AFTPH: variants seen among roughly 807,000 people sequenced by gnomAD.
AFTPH encodes aftiphilin protein.
AFTPH carries 7 observed loss-of-function variants against 72.5 expected under a neutral mutation model. The observed-to-expected ratio is 0.10, with a 90% CI of 0.05 to 0.18. The LOEUF is 0.18. AFTPH is among the 10% of genes least tolerant of loss of function. The pLI is 1.00. For synonymous variants in AFTPH, 337 were observed against 370.1 expected (o/e 0.91, Z 1.03); for missense variants, 979 against 1,060.5 (o/e 0.92, Z 1.07).
chr2:64,539,395 T>G (rs924506431), intron 1 of AFTPH, among the ~76,000 whole-genome samples: 2 of 152,216 alleles, frequency 1.3e-5, no homozygotes, highest in Admixed American at 1.3e-4. Context: ...AGCTTGCATA[T>G]AATGTACTGC....
In AFTPH at chr2:64,553,369, T is replaced by G. The variant is rs140720404; in HGVS notation, c.1895T>G (p.Val632Gly). ...CCTTCAGCAACTTCCAAAGGAGCAG[T>G]TGCTAGTGGCCATTTACAGGAATCA... Residue 632 changes from valine (V) to glycine (G), a missense_variant, in exon 2 of 9, where the codon GTT (valine) becomes GGT (glycine). Physicochemically the swap from Val to Gly is moderately radical, Grantham distance 109. Around this residue, in one of 3 missense-constraint regions of AFTPH, gnomAD observed 438 missense variants for 530.0 expected, o/e 0.83. Transcript: ENST00000238856. 7.5e-6 allele frequency: 12 copies of G among 1,602,586 alleles called. No homozygotes were observed. In the African/African-American group the frequency reaches 1.6e-4, roughly 22 times the overall value.
chr2:64,555,616 G>T (rs1671312485), intron 2 of AFTPH, among the ~76,000 whole-genome samples: 1 of 151,102 alleles, frequency 6.6e-6, no homozygotes, highest in Non-Finnish European at 1.5e-5. Context: ...TCTTGGATTT[G>T]TTTGGCTAAG....
intron 5 of AFTPH, among the ~76,000 whole-genome samples, chr2:64,570,779 C>T (rs1041943920): frequency 9.2e-5 from 14 of 152,168 alleles, no homozygotes; most frequent in African/African-American, 2.7e-4. Context: ...AATGCTTATG[C>T]GTAGCCTCAG....
At chr2:64,588,410 A>G (rs1340447613) in intron 8 of AFTPH, among the ~76,000 whole-genome samples, 1 of 152,186 alleles carries the variant, frequency 6.6e-6, no homozygotes, top group African/African-American at 2.4e-5. Flanking sequence ...ACACTTGTGT[A>G]TACGTTTTTG....
rs960244220 is a variant in AFTPH at position 64,577,845 on chromosome 2, A to G, written c.2395-1641A>G. Among the ~76,000 whole-genome samples, 3 of 152,248 alleles carry G rather than the reference A, an allele frequency of 2.0e-5. No individual in the cohort carries two copies. In the South Asian group the frequency reaches 6.2e-4, roughly 32 times the overall value. On this transcript the variant is annotated intron_variant, in intron 6 of 8. Transcript: ENST00000238856. ...CTTCACCAGTTTCCTCCATGGTTAC[A>G]TCTTACATAATATGCTATAATGTGA...
intron 1 of AFTPH, among the ~76,000 whole-genome samples, chr2:64,536,407 A>C (rs1181377185): frequency 2.0e-5 from 3 of 151,950 alleles, no homozygotes; most frequent in African/African-American, 7.3e-5. Flanking sequence ...TCTCTAATAA[A>C]AATAAAAAAT....
intron 1 of AFTPH, among the ~76,000 whole-genome samples, chr2:64,549,706 A>G (rs1670912887): frequency 6.6e-6 from 1 of 152,184 alleles, no homozygotes; most frequent in African/African-American, 2.4e-5. Context: ...TGTATTAAAA[A>G]GAAGCTATTA....
Position 64,563,783 on chromosome 2 carries a change from CT to C in AFTPH, c.1936-3775del, listed in dbSNP as rs1266612171. On this transcript the variant is annotated intron_variant, in intron 2 of 8. Transcript: ENST00000238856. ...ACCACGCCCAGCTAATTTTTTTGTA[CT>C]TTTAGTAGAGACACGGTTTCACAAT... is the stretch of plus-strand genomic sequence containing the variant. 3.9e-5 allele frequency among the ~76,000 whole-genome samples: 6 copies of C among 152,070 alleles called. No individual in the cohort carries two copies. The South Asian group carries it at 1.2e-3, about 32-fold the overall frequency.
chr2:64,573,427 G>C (rs1294873893), intron 6 of AFTPH, among the ~76,000 whole-genome samples: 1 of 124,948 alleles, frequency 8.0e-6, no homozygotes, highest in East Asian at 2.0e-4. Flanking sequence ...GGTAAGTGCT[G>C]GGTTTAAAAA....
intron 1 of AFTPH, among the ~76,000 whole-genome samples, chr2:64,545,507 G>A (rs2103887958): frequency 7.8e-6 from 1 of 128,610 alleles, no homozygotes; most frequent in South Asian, 2.6e-4. Context: ...CAACCAAAAT[G>A]TCCTTCAGCA....
chr2:64,567,483 G>T, intron 2 of AFTPH, 79 bp from the exon 3 acceptor site: 1 of 1,459,200 alleles, frequency 6.9e-7, no homozygotes, highest in Non-Finnish European at 9.3e-7. Flanking sequence ...GGGTGTGCGT[G>T]TGTTTGCATT....
At chr2:64,548,164 C>T (rs1024897183) in intron 1 of AFTPH, among the ~76,000 whole-genome samples, 3 of 145,440 alleles carry the variant, frequency 2.1e-5, no homozygotes, top group Admixed American at 6.8e-5. Flanking sequence ...GAGGCCGAGG[C>T]GGGTGGATCA....
chr2:64,531,529 A>C (rs529905877), intron 1 of AFTPH, among the ~76,000 whole-genome samples: 45 of 152,334 alleles, frequency 3.0e-4, no homozygotes, highest in African/African-American at 8.4e-4. Context: ...GCTTAATGCC[A>C]TGCTCTTTTT....
intron 1 of AFTPH, among the ~76,000 whole-genome samples, chr2:64,538,902 G>A (rs1218654832): frequency 6.6e-6 from 1 of 152,152 alleles, no homozygotes; most frequent in Non-Finnish European, 1.5e-5. Context: ...TCTCATGGTG[G>A]GTGTTTGTGA....
At chr2:64,584,820 T>C (rs908714196) in intron 7 of AFTPH, among the ~76,000 whole-genome samples, 4 of 152,150 alleles carry the variant, frequency 2.6e-5, no homozygotes, top group African/African-American at 9.7e-5. Context: ...ACGGTCTTGA[T>C]CTCCTGACTT....
At chr2:64,524,967 C>T (rs1212697587) in intron 1 of AFTPH, among the ~76,000 whole-genome samples, 1 of 152,248 alleles carries the variant, frequency 6.6e-6, no homozygotes, top group Non-Finnish European at 1.5e-5. Context: ...GGGAGCTGTT[C>T]AGAAGTTTGG....
At chr2:64,550,724 C>T (rs1670989836) in intron 1 of AFTPH, among the ~76,000 whole-genome samples, 1 of 127,866 alleles carries the variant, frequency 7.8e-6, no homozygotes. Context: ...CACACACACA[C>T]ACACACAACT....
intron 1 of AFTPH, among the ~76,000 whole-genome samples, chr2:64,529,921 A>C (rs1170951020): frequency 6.6e-6 from 1 of 152,214 alleles, no homozygotes; most frequent in Non-Finnish European, 1.5e-5. Flanking sequence ...TGGGAGGCCA[A>C]GGCGGGCATA....
At chr2:64,577,105 A>G (rs910248455) in intron 6 of AFTPH, among the ~76,000 whole-genome samples, 70 of 152,198 alleles carry the variant, frequency 4.6e-4, no homozygotes, top group African/African-American at 1.6e-3. Context: ...TGATTTACCC[A>G]AAACCATGTA....
Sources: gnomAD v4.1 joint callset for allele counts (sites outside exome capture counted in the v4.1 genomes callset) on GRCh38, gnomAD v4.1.1 for gene constraint, gnomAD v4.1.1 regional missense constraint, MANE v1.5 for transcripts, NCBI Gene and HGNC (gene_info 2026-07-23, HGNC 2026-07-21) for gene names.